The following PHF21B variants were observed in gnomAD, a reference collection of about 807,000 sequenced individuals.
The protein encoded by PHF21B is PHD finger protein 21B.
A neutral mutation model predicts 62.2 loss-of-function variants in PHF21B; 22 were observed. The ratio of observed to expected loss-of-function variants is 0.35; its 90% CI spans 0.25 to 0.51. The LOEUF is 0.51. Among genes scored for constraint, PHF21B ranks in the 20% least tolerant of loss-of-function variants. The pLI, the probability that PHF21B is intolerant of heterozygous loss-of-function variation, is 0.97. For missense variants in PHF21B, 701 were observed against 707.9 expected (o/e 0.99, Z 0.11); for synonymous variants, 341 against 314.7 (o/e 1.08, Z -0.88).
At chr22:44,886,136 C>T (rs774192307) in intron 10 of PHF21B, among the ~76,000 whole-genome samples, 198 bp from the exon 11 acceptor site, 2 of 152,110 alleles carry the variant, frequency 1.3e-5, no homozygotes, top group Non-Finnish European at 2.9e-5. Context: ...CTGGAACATT[C>T]TGGGCCTCTC....
At chr22:44,962,088 T>A (rs2072435640) in intron 2 of PHF21B, among the ~76,000 whole-genome samples, 1 of 152,194 alleles carries the variant, frequency 6.6e-6, no homozygotes, top group Non-Finnish European at 1.5e-5. Context: ...TGCATGTGTC[T>A]TTTGGGTAGA....
intron 2 of PHF21B, among the ~76,000 whole-genome samples, chr22:44,974,649 AG>A (rs1182202639): frequency 1.3e-5 from 2 of 152,170 alleles, no homozygotes. Context: ...TCATAGATGC[AG>A]CCTGGTGCTA....
intron 2 of PHF21B, among the ~76,000 whole-genome samples, chr22:44,986,374 G>A (rs1228405007): frequency 1.3e-5 from 2 of 149,706 alleles, no homozygotes; most frequent in African/African-American, 4.9e-5. Flanking sequence ...CCATCACCAT[G>A]ACACCCATCA....
chr22:44,935,606 T>G (rs1261108474), intron 2 of PHF21B, among the ~76,000 whole-genome samples: 1 of 135,918 alleles, frequency 7.4e-6, no homozygotes, highest in Non-Finnish European at 1.6e-5. Context: ...AGAGCAAGAC[T>G]CCGCCTCAAA....
At chr22:44,895,749 A>T (rs2071044999) in intron 6 of PHF21B, among the ~76,000 whole-genome samples, 1 of 152,184 alleles carries the variant, frequency 6.6e-6, no homozygotes, top group African/African-American at 2.4e-5. Flanking sequence ...GTGCATAGTC[A>T]TGGAGCCAGG....
At chr22:44,951,736 T>G (rs1217169802) in intron 2 of PHF21B, among the ~76,000 whole-genome samples, 2 of 152,246 alleles carry the variant, frequency 1.3e-5, no homozygotes, top group African/African-American at 4.8e-5. Context: ...AAAGAATGGC[T>G]AATGCTGAAC....
chr22:44,995,828 G>A (rs1371285595), intron 2 of PHF21B, among the ~76,000 whole-genome samples: 2 of 132,362 alleles, frequency 1.5e-5, no homozygotes, highest in East Asian at 2.1e-4. Context: ...CACGTGATTC[G>A]GGGGAAAGAC....
In PHF21B at chr22:44,914,075, A is replaced by C; in HGVS notation, c.578T>G (p.Leu193Arg). The C allele has an allele frequency of 1.0e-6, 1 of 955,018 alleles. No individual in the cohort carries two copies. The highest frequency in any genetic ancestry group is 1.5e-6 in the Non-Finnish European group (1 of 680,602). 59.2% of individuals were successfully genotyped at this position (955,018 alleles called of 1,614,324 possible). A position where few individuals can be genotyped will look rare whatever the true frequency, so the allele number is the denominator to read the frequency against. ...ISADNKPPPR[L>R]LSSPHPATHH... ...GGTTGCGGGGTGAGGGGAAGAGAGGAGGCGTGGAGGAGGCTGGAGAGCGAG... is the reference window on the plus strand; with the variant it reads ...GGTTGCGGGGTGAGGGGAAGAGAGGCGGCGTGGAGGAGGCTGGAGAGCGAG... The change falls in exon 5 of 13, where the codon CTC (leucine) becomes CGC (arginine). Residue 193 changes from leucine to arginine, a missense_variant. Leu to Arg is a moderately radical substitution (Grantham distance 102, BLOSUM62 -2). Coordinates refer to ENST00000313237, the MANE Select transcript of PHF21B (RefSeq NM_138415.5).
Position 44,885,413 on chromosome 22 carries a change from C to T in PHF21B, c.1377+13G>A. On this transcript the variant is annotated intron_variant, in intron 12 of 12. Transcript: ENST00000313237. ...AGGGCTGAGGCCAGCCTCCCCCAGGCCCCGGGGCACACCTGCACTGCTGAC... is the reference window on the plus strand; with the variant it reads ...AGGGCTGAGGCCAGCCTCCCCCAGGTCCCGGGGCACACCTGCACTGCTGAC... The T allele has an allele frequency of 6.4e-7, 1 of 1,560,714 alleles. No individual in the cohort carries two copies. Among genetic ancestry groups the T allele is most frequent in the South Asian group, 1.2e-5 (1 of 85,410 alleles).
At chr22:44,995,832 G>A (rs929661011) in intron 2 of PHF21B, among the ~76,000 whole-genome samples, 12 of 149,882 alleles carry the variant, frequency 8.0e-5, no homozygotes, top group African/African-American at 3.0e-4. Context: ...TGATTCGGGG[G>A]AAAGACAGAC....
In PHF21B at chr22:44,913,745, C is replaced by G. The variant is rs1349040155; in HGVS notation, c.831+77G>C. ...CGGGACCACCCCACAGTGAGGCCAT[C>G]CCCGCTATACACAGCGGCCTCAGAT... On this transcript the variant is annotated intron_variant, in intron 5 of 12. Coordinates refer to ENST00000313237, the MANE Select transcript of PHF21B (RefSeq NM_138415.5). The G allele has an allele frequency of 2.7e-6, 4 of 1,494,814 alleles. No homozygotes were observed. The African/African-American group carries it at 5.6e-5, about 21-fold the overall frequency. The allele number at this position is 1,494,814 out of a possible 1,614,324, so 92.6% of individuals were successfully genotyped here.
At chr22:44,884,176 C>T (rs2070796918) in intron 12 of PHF21B, among the ~76,000 whole-genome samples, 1 of 150,482 alleles carries the variant, frequency 6.6e-6, no homozygotes, top group Admixed American at 6.6e-5. Context: ...ACCATCACCA[C>T]CATCATTACC....
intron 2 of PHF21B, among the ~76,000 whole-genome samples, chr22:44,922,918 A>G (rs2071562741): frequency 6.6e-6 from 1 of 152,252 alleles, no homozygotes; most frequent in Non-Finnish European, 1.5e-5. Context: ...ATTCAACACA[A>G]CCTCAAATCA....
At chr22:44,959,277 C>T (rs2072369056) in intron 2 of PHF21B, among the ~76,000 whole-genome samples, 1 of 152,192 alleles carries the variant, frequency 6.6e-6, no homozygotes, top group Admixed American at 6.5e-5. Flanking sequence ...AGAATGATGA[C>T]ATTTTGCCCC....
chr22:44,972,183 T>A (rs2072651695), intron 2 of PHF21B, among the ~76,000 whole-genome samples: 2 of 152,242 alleles, frequency 1.3e-5, no homozygotes, highest in South Asian at 4.1e-4. Flanking sequence ...TTCAAGTTCC[T>A]TTGTATTCTT....
rs148978617 is a variant in PHF21B, at chr22:44,986,720, G to A, written c.120+21825C>T. On this transcript the variant is annotated intron_variant, in intron 2 of 12. Transcript: ENST00000313237. Reference sequence around the variant, plus strand: ...CTTGAATTTTATTCCTCAAGTTACCGGCTTCTACACTGTGCTCGCTGGAGC... The same window carrying A: ...CTTGAATTTTATTCCTCAAGTTACCAGCTTCTACACTGTGCTCGCTGGAGC... Among the ~76,000 whole-genome samples the A allele has an allele frequency of 3.5e-4, 54 of 152,178 alleles. No individual in the cohort carries two copies. The East Asian group carries it at 7.4e-3, about 21-fold the overall frequency.
intron 2 of PHF21B, among the ~76,000 whole-genome samples, chr22:45,007,916 G>C (rs1438478365): frequency 1.3e-5 from 2 of 152,010 alleles, no homozygotes; most frequent in South Asian, 2.1e-4. Flanking sequence ...CCGGAGGGGG[G>C]GGAGCGGTCG....
At position 45,009,649 on chromosome 22, in the gene PHF21B, T is replaced by C; in HGVS notation, c.-100A>G. The C allele has an allele frequency of 3.5e-6, 4 of 1,145,290 alleles. No individual in the cohort carries two copies. The highest frequency in any genetic ancestry group is 3.4e-5 in the South Asian group (2 of 58,912). 70.9% of individuals were successfully genotyped at this position (1,145,290 alleles called of 1,614,324 possible). On this transcript the variant is annotated 5_prime_UTR_variant, in exon 1 of 13. Transcript: ENST00000313237. This position sits in a 1 kb window ranked among gnomAD's most constrained non-coding sequence, Gnocchi z 5.9. ...AGAGCGGGCGCGGGCGGACGCGGCCTCCGGGCTGGGTTGGGGGGGACACGA... is the reference window on the plus strand; with the variant it reads ...AGAGCGGGCGCGGGCGGACGCGGCCCCCGGGCTGGGTTGGGGGGGACACGA...
At chr22:44,941,729 G>A (rs922146064) in intron 2 of PHF21B, among the ~76,000 whole-genome samples, 4 of 152,160 alleles carry the variant, frequency 2.6e-5, no homozygotes, top group East Asian at 1.9e-4. Context: ...AGGGGGATAC[G>A]GCGGCAGGGC....
Sources: allele counts gnomAD v4.1 joint callset (sites outside exome capture counted in the v4.1 genomes callset), GRCh38; gene constraint gnomAD v4.1.1; non-coding constraint Gnocchi (gnomAD v3.1); transcripts MANE v1.5; gene names NCBI Gene and HGNC (gene_info 2026-07-23, HGNC 2026-07-21).